The following KLHL22 variants were observed in gnomAD, a reference collection of about 807,000 sequenced individuals.
KLHL22 encodes kelch like family member 22.
A neutral mutation model predicts 60.7 loss-of-function variants in KLHL22; 18 were observed. That is an observed-to-expected ratio of 0.30 (90% CI 0.20 to 0.44). KLHL22 has a LOEUF of 0.44. Among genes scored for constraint, KLHL22 ranks in the 20% least tolerant of loss-of-function variants. The pLI, the probability that KLHL22 is intolerant of heterozygous loss-of-function variation, is 1.00. For synonymous variants in KLHL22, 355 were observed against 354.5 expected, an observed-to-expected ratio of 1.00 and a Z score of -0.01; for missense variants, 596 against 852.3, an observed-to-expected ratio of 0.70 and a Z score of 3.74.
chr22:20,450,636 T>C (rs1428779615), intron 5 of KLHL22: 38 of 1,586,752 alleles, frequency 2.4e-5, no homozygotes, highest in Non-Finnish European at 3.3e-5. Context: ...AGTTCATTCT[T>C]CTGAGGCAAG....
intron 2 of KLHL22, among the ~76,000 whole-genome samples, chr22:20,479,636 G>A (rs2053467827): frequency 6.6e-6 from 1 of 152,152 alleles, no homozygotes; most frequent in Non-Finnish European, 1.5e-5. Flanking sequence ...GAGCCCAGGA[G>A]GTGGAGCCAT....
At chr22:20,477,961 G>A (rs962504871) in intron 2 of KLHL22, among the ~76,000 whole-genome samples, 31 of 152,272 alleles carry the variant, frequency 2.0e-4, no homozygotes, top group African/African-American at 7.5e-4. Context: ...GAGGCGAACT[G>A]AAGTTGTTAG....
chr22:20,468,994 G>A (rs977874853), intron 3 of KLHL22, among the ~76,000 whole-genome samples: 1 of 152,184 alleles, frequency 6.6e-6, no homozygotes, highest in African/African-American at 2.4e-5. Flanking sequence ...ATAGGCTGCT[G>A]CCTCTGAGAT....
rs755924614 is a variant in KLHL22, at chr22:20,471,550, C to A, written c.228-35G>T. 1.9e-6 allele frequency: 3 copies of A among 1,602,492 alleles called. No individual in the cohort carries two copies. In the Admixed American group the frequency reaches 5.1e-5, roughly 27 times the overall value. On this transcript the variant is annotated intron_variant, in intron 2 of 6. Transcript: ENST00000328879. ...GAAGACACAAGAAAATGGAGTTATA[C>A]CAACAGGGACTTAAGCCCATGTTGC...
At position 20,465,455 on chromosome 22, in the gene KLHL22, T is replaced by G; in HGVS notation, c.515A>C (p.Asp172Ala). Residue 172 changes from aspartate (D) to alanine (A), a missense_variant, in exon 4 of 7, where the codon GAC becomes GCC. Physicochemically the swap from Asp to Ala is moderately radical, Grantham distance 126 (BLOSUM62 -2). Transcript: ENST00000328879. This position sits in a 1 kb window ranked among gnomAD's most constrained non-coding sequence, Gnocchi z 4.9. ...CACAAAGTTTTTGAGGATATAGGTG[T>G]CCAGTTGCTCAGTCAGGCGGCTCAA... is the stretch of plus-strand genomic sequence containing the variant. ...FDLSRLTEQL[D>A]TYILKNFVAF... is the part of the protein sequence containing the mutation. 1 of 1,613,724 alleles carries G rather than the reference T, an allele frequency of 6.2e-7. No homozygotes were observed. Among genetic ancestry groups the G allele is most frequent in the Non-Finnish European group, 8.5e-7 (1 of 1,179,630 alleles).
rs60765839 is a variant in KLHL22 at position 20,460,610 on chromosome 22, C to CAAAAA, written c.1113-2615_1113-2611dup. 4.2e-4 allele frequency among the ~76,000 whole-genome samples: 4 copies of CAAAAA among 9,446 alleles called. 2 individuals carry two copies. Among genetic ancestry groups the CAAAAA allele is most frequent in the Non-Finnish European group, 7.2e-4 (4 of 5,570 alleles). 6.2% of individuals were successfully genotyped at this position (9,446 alleles called of 152,430 possible). ...GGCGACAGAGTGAAACTCCATCCCC[C>CAAAAA]AAAAAAAAAAAAAAAAAAAAAAAAA... On this transcript the variant is annotated intron_variant, in intron 4 of 6. Coordinates refer to ENST00000328879, the MANE Select transcript of KLHL22 (RefSeq NM_032775.4).
chr22:20,483,427 TG>T, intron 2 of KLHL22: 1 of 830,632 alleles, frequency 1.2e-6, no homozygotes, highest in Non-Finnish European at 2.1e-6. Flanking sequence ...GCTGGCAATC[TG>T]GTCTTGTAGG....
Position 20,483,097 on chromosome 22 carries a change from C to T in KLHL22, c.227+5888G>A, listed in dbSNP as rs1485298044. 1.5e-5 allele frequency: 10 copies of T among 650,508 alleles called. No individual in the cohort carries two copies. In the East Asian group the frequency reaches 2.8e-4, roughly 18 times the overall value. 40.3% of individuals were successfully genotyped at this position (650,508 alleles called of 1,614,324 possible). On this transcript the variant is annotated intron_variant, in intron 2 of 6. Coordinates refer to ENST00000328879, the MANE Select transcript of KLHL22 (RefSeq NM_032775.4). ...CCAGGTGCAGCAGGATCCCATTGAG[C>T]TGCTCCATCTACAGGGCATAGAAGG...
intron 5 of KLHL22, chr22:20,450,201 G>A (rs2052953251): frequency 2.5e-6 from 2 of 806,654 alleles, no homozygotes; most frequent in East Asian, 4.8e-5. Flanking sequence ...AACTCCGTTG[G>A]GAAGAGCAAT....
chr22:20,488,949 T>A (rs1485589642), intron 2 of KLHL22, 36 bp downstream of exon 2: 1 of 1,596,576 alleles, frequency 6.3e-7, no homozygotes, highest in African/African-American at 1.3e-5. Context: ...GGATTACCTT[T>A]GTTATTCTTC....
At chr22:20,491,498 A>G (rs2053689902) in intron 1 of KLHL22, 3 of 152,200 alleles carry the variant, frequency 2.0e-5, no homozygotes, top group Admixed American at 2.0e-4. Context: ...CAAAGATTTT[A>G]GAAGTTGTAT....
chr22:20,474,229 G>C (rs1704878028), intron 2 of KLHL22, among the ~76,000 whole-genome samples: 2 of 152,094 alleles, frequency 1.3e-5, no homozygotes, highest in South Asian at 4.1e-4. Context: ...TTGATCTCCT[G>C]ACCTCGTGAT....
At chr22:20,458,193 C>G (rs73384254) in intron 4 of KLHL22, among the ~76,000 whole-genome samples, 193 bp from the exon 5 acceptor site, 3,437 of 152,118 alleles carry the variant, frequency 0.023, 133 homozygotes, top group African/African-American at 0.079. Context: ...CACAGGTGCT[C>G]CCCACCACAC....
chr22:20,487,269 A>G (rs904516992), intron 2 of KLHL22, among the ~76,000 whole-genome samples: 1 of 151,184 alleles, frequency 6.6e-6, no homozygotes, highest in Non-Finnish European at 1.5e-5. Flanking sequence ...CCAGGCTGGA[A>G]TGCAGTGGCA....
At chr22:20,457,236 T>C (rs2053077386) in intron 5 of KLHL22, among the ~76,000 whole-genome samples, 1 of 152,106 alleles carries the variant, frequency 6.6e-6, no homozygotes, top group Admixed American at 6.6e-5. Context: ...CATCTTCAAA[T>C]TGGAATAAAC....
At chr22:20,471,849 A>G (rs1479056405) in intron 2 of KLHL22, among the ~76,000 whole-genome samples, 1 of 152,218 alleles carries the variant, frequency 6.6e-6, no homozygotes, top group Non-Finnish European at 1.5e-5. Context: ...TAGCAACTCC[A>G]GAGCACATTT....
intron 1 of KLHL22, among the ~76,000 whole-genome samples, chr22:20,490,004 C>G (rs2053657423): frequency 6.6e-6 from 1 of 152,158 alleles, no homozygotes; most frequent in African/African-American, 2.4e-5. Context: ...CCTCTAAAAC[C>G]TAATCAGTAA....
intron 5 of KLHL22, among the ~76,000 whole-genome samples, chr22:20,448,237 C>T (rs1340366125): frequency 3.3e-5 from 5 of 152,200 alleles, no homozygotes; most frequent in African/African-American, 1.2e-4. Flanking sequence ...GGTTGAGTAC[C>T]TCCAAAATCT....
At chr22:20,491,309 A>T (rs1030720419) in intron 1 of KLHL22, 5 of 152,156 alleles carry the variant, frequency 3.3e-5, no homozygotes, top group Non-Finnish European at 7.4e-5. Flanking sequence ...TGATTAAATC[A>T]CTGGCCATTG....
Sources: allele counts gnomAD v4.1 joint callset (sites outside exome capture counted in the v4.1 genomes callset), GRCh38; gene constraint gnomAD v4.1.1; non-coding constraint Gnocchi (gnomAD v3.1); transcripts MANE v1.5; gene names NCBI Gene and HGNC (gene_info 2026-07-23, HGNC 2026-07-21).